GPHN: variants seen among roughly 807,000 people sequenced by gnomAD.
GPHN encodes gephyrin.
In GPHN, 17 loss-of-function variants were observed where a neutral mutation model predicts 95.5. That is an observed-to-expected ratio of 0.18 (90% CI 0.12 to 0.27). GPHN has a LOEUF of 0.27. GPHN is among the 10% of genes least tolerant of loss of function. The pLI, the probability that GPHN is intolerant of heterozygous loss-of-function variation, is 1.00. For synonymous variants in GPHN, 320 were observed against 322.5 expected, an observed-to-expected ratio of 0.99 and a Z score of 0.08; for missense variants, 660 against 978.1, an observed-to-expected ratio of 0.67 and a Z score of 4.34.
intron 16 of GPHN, among the ~76,000 whole-genome samples, chr14:67,118,640 A>G (rs1277342324): frequency 6.6e-6 from 1 of 152,016 alleles, no homozygotes; most frequent in Admixed American, 6.6e-5. Context: ...AGGCAGGAGA[A>G]TGGCGTGAAC....
intron 16 of GPHN, among the ~76,000 whole-genome samples, chr14:67,115,130 T>C (rs1341985637): frequency 6.6e-6 from 1 of 152,178 alleles, no homozygotes; most frequent in Non-Finnish European, 1.5e-5. Context: ...CATTCCTCCC[T>C]TTCTCTTATT....
intron 9 of GPHN, among the ~76,000 whole-genome samples, chr14:66,998,399 G>A (rs945508265): frequency 2.6e-5 from 4 of 151,890 alleles, no homozygotes; most frequent in Admixed American, 1.3e-4. Context: ...AGTAATATTC[G>A]TGATAATCCT....
the GPHN span, among the ~76,000 whole-genome samples, chr14:67,399,591 G>A: frequency 1.3e-5 from 2 of 148,354 alleles, no homozygotes; most frequent in East Asian, 4.2e-4. Context: ...TAAAGAGAAG[G>A]GTAGTTTAGG....
At chr14:66,946,036 T>A (rs969283646) in intron 8 of GPHN, among the ~76,000 whole-genome samples, 4 of 152,174 alleles carry the variant, frequency 2.6e-5, no homozygotes, top group South Asian at 2.1e-4. Context: ...AATTTTTTTT[T>A]AATTTATTTT....
At chr14:67,068,876 A>G (rs1411422453) in intron 11 of GPHN, among the ~76,000 whole-genome samples, 3 of 152,172 alleles carry the variant, frequency 2.0e-5, no homozygotes, top group Admixed American at 1.3e-4. Context: ...ATAGGCAGTT[A>G]TCTTAAGCTG....
At chr14:67,289,932 G>A in the GPHN span, among the ~76,000 whole-genome samples, 4 of 151,856 alleles carry the variant, frequency 2.6e-5, no homozygotes, top group East Asian at 1.9e-4. Context: ...CACCACGCCC[G>A]GCTAATTTTT....
At chr14:66,909,243 A>G (rs991098156) in intron 5 of GPHN, among the ~76,000 whole-genome samples, 6 of 152,116 alleles carry the variant, frequency 3.9e-5, no homozygotes, top group Admixed American at 6.6e-5. Context: ...ATTCTATACA[A>G]CTGTCAAGGA....
the GPHN span, among the ~76,000 whole-genome samples, chr14:67,479,667 G>A: frequency 2.6e-5 from 4 of 152,012 alleles, no homozygotes; most frequent in Admixed American, 6.6e-5. Context: ...GCCGTGAGCC[G>A]AGATAGCGCC....
chr14:66,953,763 T>C (rs1322312309), intron 8 of GPHN, among the ~76,000 whole-genome samples: 1 of 152,178 alleles, frequency 6.6e-6, no homozygotes, highest in Non-Finnish European at 1.5e-5. Flanking sequence ...CCTGACACGG[T>C]GGCTCACACC....
the GPHN span, among the ~76,000 whole-genome samples, chr14:67,465,350 T>TTC: frequency 7.8e-6 from 1 of 128,666 alleles, no homozygotes. Flanking sequence ...CAGGGAGAAC[T>TTC]ACAAGTCAGT....
intron 17 of GPHN, among the ~76,000 whole-genome samples, chr14:67,129,161 A>G (rs1316256475): frequency 1.3e-5 from 2 of 151,432 alleles, no homozygotes; most frequent in African/African-American, 4.9e-5. Flanking sequence ...GAATATTTTT[A>G]CCCTGAGGAT....
chr14:66,575,603 T>C (rs1251798576), intron 1 of GPHN, among the ~76,000 whole-genome samples: 1 of 152,184 alleles, frequency 6.6e-6, no homozygotes, highest in Non-Finnish European at 1.5e-5. Context: ...GTCAGCAGTT[T>C]GTCAGGCCTG....
At chr14:67,314,223 A>G in the GPHN span, among the ~76,000 whole-genome samples, 2 of 152,242 alleles carry the variant, frequency 1.3e-5, no homozygotes, top group Admixed American at 6.5e-5. Context: ...AGACTGAGAA[A>G]TATTGACTAT....
chr14:67,560,122 G>A, the GPHN span, among the ~76,000 whole-genome samples: 1 of 152,184 alleles, frequency 6.6e-6, no homozygotes, highest in African/African-American at 2.4e-5. Context: ...CGCCTCCCGG[G>A]TTCAACCGAT....
intron 5 of GPHN, among the ~76,000 whole-genome samples, chr14:66,897,056 C>T (rs1011197315): frequency 1.2e-4 from 18 of 152,038 alleles, no homozygotes; most frequent in African/African-American, 4.1e-4. Flanking sequence ...TTTTATTAAA[C>T]TTTTAAGATG....
At chr14:67,593,875 A>G in the GPHN span, 1 of 1,613,204 alleles carries the variant, frequency 6.2e-7, no homozygotes, top group Non-Finnish European at 8.5e-7. Context: ...GAGTCTCCTG[A>G]TCAATCTTCA....
chr14:67,521,602 G>A, the GPHN span, among the ~76,000 whole-genome samples: 2 of 152,130 alleles, frequency 1.3e-5, no homozygotes, highest in Non-Finnish European at 2.9e-5. Flanking sequence ...GGACTATGCA[G>A]TATTCATGAA....
At chr14:66,931,672 A>G (rs1210693729) in intron 8 of GPHN, among the ~76,000 whole-genome samples, 1 of 152,090 alleles carries the variant, frequency 6.6e-6, no homozygotes, top group African/African-American at 2.4e-5. Context: ...TCAGTTTGTC[A>G]ATTCAGTTTT....
At chr14:67,525,077 T>G in the GPHN span, among the ~76,000 whole-genome samples, 22 of 152,160 alleles carry the variant, frequency 1.4e-4, no homozygotes, top group African/African-American at 5.1e-4. Context: ...TTTAATAGCT[T>G]TATTAGAAAA....
Sources: gnomAD v4.1 joint callset for allele counts (sites outside exome capture counted in the v4.1 genomes callset) on GRCh38, gnomAD v4.1.1 for gene constraint, MANE v1.5 for transcripts, NCBI Gene and HGNC (gene_info 2026-07-23, HGNC 2026-07-21) for gene names.